The following DOCK1 variants were observed in gnomAD, a reference collection of about 807,000 sequenced individuals.
DOCK1 encodes the protein dedicator of cytokinesis protein 1.
Under a neutral mutation model 262.7 loss-of-function variants are expected in DOCK1, and 138 were observed. That is an observed-to-expected ratio of 0.53 (90% CI 0.46 to 0.61). The LOEUF is 0.61. DOCK1 is among the 20% of genes least tolerant of loss of function. The pLI is 0.00. For synonymous variants in DOCK1, 866 were observed against 867.4 expected, an observed-to-expected ratio of 1.00 and a Z score of 0.03; for missense variants, 1,908 against 2,370.7, an observed-to-expected ratio of 0.80 and a Z score of 4.05.
chr10:126,907,765 G>A (rs941387769), intron 1 of DOCK1, among the ~76,000 whole-genome samples: 2 of 152,100 alleles, frequency 1.3e-5, no homozygotes. Context: ...AGGGCGGTGC[G>A]CTTGAGTCTC....
intron 1 of DOCK1, among the ~76,000 whole-genome samples, chr10:126,932,764 A>C (rs1026999334): frequency 1.3e-5 from 2 of 152,126 alleles, no homozygotes; most frequent in Non-Finnish European, 2.9e-5. Flanking sequence ...CACAGGGCAC[A>C]GGCGACTGCA....
At chr10:127,451,121 T>C (rs1041442729) in intron 51 of DOCK1, among the ~76,000 whole-genome samples, 1 of 152,146 alleles carries the variant, frequency 6.6e-6, no homozygotes, top group Middle Eastern at 3.4e-3. Context: ...GGGAGAGTGC[T>C]CAGAGGCGTC....
At chr10:127,389,928 C>G (rs776385203) in intron 38 of DOCK1, among the ~76,000 whole-genome samples, 3 of 151,514 alleles carry the variant, frequency 2.0e-5, no homozygotes, top group African/African-American at 7.3e-5. Context: ...GCATGAGAAT[C>G]GCTTGAACCT....
chr10:127,209,084 A>G (rs2057852739), intron 27 of DOCK1, among the ~76,000 whole-genome samples: 1 of 152,144 alleles, frequency 6.6e-6, no homozygotes, highest in Admixed American at 6.6e-5. Flanking sequence ...TTATCTTCTC[A>G]CTGCATAACT....
At chr10:127,442,104 G>T (rs939607892) in intron 49 of DOCK1, among the ~76,000 whole-genome samples, 1 of 152,166 alleles carries the variant, frequency 6.6e-6, no homozygotes, top group Non-Finnish European at 1.5e-5. Context: ...GCTCCTGGGC[G>T]CTTGGCTCCC....
chr10:127,129,072 C>T (rs1242773675), intron 27 of DOCK1, among the ~76,000 whole-genome samples: 1 of 152,114 alleles, frequency 6.6e-6, no homozygotes, highest in African/African-American at 2.4e-5. Context: ...TCTTCTTGGA[C>T]AGCATAGTCA....
intron 29 of DOCK1, among the ~76,000 whole-genome samples, chr10:127,324,375 C>A (rs1044539764): frequency 1.3e-5 from 2 of 152,156 alleles, no homozygotes; most frequent in South Asian, 2.1e-4. Context: ...ATCAGAAATG[C>A]CTGGAAAGTA....
chr10:127,227,487 C>T (rs2058687322), intron 27 of DOCK1, among the ~76,000 whole-genome samples: 1 of 152,222 alleles, frequency 6.6e-6, no homozygotes, highest in Non-Finnish European at 1.5e-5. Flanking sequence ...AGCCTCTAGC[C>T]TCCTGCCACC....
intron 32 of DOCK1, among the ~76,000 whole-genome samples, chr10:127,360,345 G>A (rs1241997828): frequency 2.0e-5 from 3 of 149,942 alleles, no homozygotes; most frequent in East Asian, 2.0e-4. Context: ...GCACAATGGC[G>A]GCCAACCCAC....
intron 6 of DOCK1, among the ~76,000 whole-genome samples, chr10:126,991,952 T>G (rs1215103733): frequency 6.6e-6 from 1 of 152,194 alleles, no homozygotes. Context: ...GGGAAGGGGT[T>G]TGCTTCCAGC....
intron 10 of DOCK1, among the ~76,000 whole-genome samples, chr10:127,005,477 G>A (rs190250205): frequency 5.3e-5 from 8 of 152,258 alleles, no homozygotes; most frequent in African/African-American, 1.7e-4. Context: ...TGACTTCTGC[G>A]TGTCTGTGTT....
intron 10 of DOCK1, among the ~76,000 whole-genome samples, chr10:127,006,805 A>G (rs1220962351): frequency 1.3e-5 from 2 of 152,014 alleles, no homozygotes; most frequent in Non-Finnish European, 1.5e-5. Flanking sequence ...AGCTGGTGAG[A>G]TGAGTCCCAT....
chr10:127,106,290 C>A lies in DOCK1; in HGVS notation c.2505C>A (p.Pro835=). The change falls in exon 24 of 52, where the codon CCC becomes CCA. Residue 835 remains proline, a synonymous_variant. Coordinates refer to ENST00000623213, the MANE Select transcript of DOCK1 (RefSeq NM_001290223.2). ...ACGATGTGAAATTGGTGTTTGATCC[C>A]AAAGAGCTCAGGTAAGTATGCAGCC... is the stretch of plus-strand genomic sequence containing the variant. ...IVNDVKLVFD[P]KELSKMFTEF... 6.3e-7 allele frequency: 1 copy of A among 1,596,610 alleles called. No individual in the cohort carries two copies. Among genetic ancestry groups the A allele is most frequent in the Non-Finnish European group, 8.5e-7 (1 of 1,170,586 alleles).
chr10:126,978,194 G>A (rs116285549), intron 3 of DOCK1, among the ~76,000 whole-genome samples: 2,049 of 152,254 alleles, frequency 0.013, 33 homozygotes, highest in African/African-American at 0.046. Context: ...CTTCATCTCC[G>A]TGAGTGAATT....
chr10:126,977,891 T>C (rs2038667487), intron 2 of DOCK1, 57 bp from the exon 3 acceptor site: 1 of 1,548,230 alleles, frequency 6.5e-7, no homozygotes, highest in Admixed American at 1.7e-5. Context: ...ATGAATGTAT[T>C]GTGAGGACCC....
chr10:127,110,253 T>C lies in DOCK1; in HGVS notation c.2522T>C (p.Met841Thr), dbSNP rs1310276141. Residue 841 changes from methionine to threonine, a missense_variant, in exon 25 of 52, where the codon ATG (methionine) becomes ACG (threonine). Met to Thr is a moderately conservative substitution (Grantham distance 81, BLOSUM62 -1). Coordinates refer to ENST00000623213, the MANE Select transcript of DOCK1 (RefSeq NM_001290223.2). ...LVFDPKELSK[M>T]FTEFILNVPM... ...CCTTGTGTTTTTCCTCACAGCAAAA[T>C]GTTTACTGAATTCATCCTCAATGTT... is the stretch of plus-strand genomic sequence containing the variant. 2.5e-6 allele frequency: 4 copies of C among 1,612,454 alleles called. No homozygotes were observed. Among genetic ancestry groups the C allele is most frequent in the African/African-American group, 2.7e-5 (2 of 74,914 alleles).
chr10:127,100,479 A>G lies in DOCK1; in HGVS notation c.2446-5752A>G, dbSNP rs1392326795. ...TCCACCAAGGCAGGGGGAGTTTGCAATGTCTAGGGTCAGCCAGGGTGGACC... is the reference window on the plus strand; with the variant it reads ...TCCACCAAGGCAGGGGGAGTTTGCAGTGTCTAGGGTCAGCCAGGGTGGACC... On this transcript the variant is annotated intron_variant, in intron 23 of 51. Coordinates refer to ENST00000623213, the MANE Select transcript of DOCK1 (RefSeq NM_001290223.2). This position sits in a 1 kb window ranked among gnomAD's most constrained non-coding sequence, Gnocchi z 5.5. Among the ~76,000 whole-genome samples, 1 of 151,872 alleles carries G rather than the reference A, an allele frequency of 6.6e-6. No homozygotes were observed. The highest frequency in any genetic ancestry group is 1.5e-5 in the Non-Finnish European group (1 of 67,948).
At chr10:126,977,036 C>G (rs1045528616) in intron 2 of DOCK1, among the ~76,000 whole-genome samples, 15 of 152,300 alleles carry the variant, frequency 9.8e-5, no homozygotes, top group African/African-American at 3.1e-4. Flanking sequence ...TGCCTGGCCT[C>G]TTTGAGCTTT....
chr10:127,321,278 T>A (rs114899321), intron 29 of DOCK1, among the ~76,000 whole-genome samples: 1,164 of 104,588 alleles, frequency 0.011, 20 homozygotes, highest in African/African-American at 0.041. Context: ...CCCTCGGCCC[T>A]ATCCTCCCCT....
Sources: gnomAD v4.1 joint callset for allele counts (sites outside exome capture counted in the v4.1 genomes callset) on GRCh38, gnomAD v4.1.1 for gene constraint, Gnocchi (gnomAD v3.1) non-coding constraint, MANE v1.5 for transcripts, NCBI Gene and HGNC (gene_info 2026-07-23, HGNC 2026-07-21) for gene names.